Variants in GRIN2B observed in about 807,000 individuals in gnomAD.
The protein encoded by GRIN2B is glutamate receptor ionotropic, NMDA 2B.
Under a neutral mutation model 114.5 loss-of-function variants are expected in GRIN2B, and 5 were observed. The ratio of observed to expected loss-of-function variants is 0.04; its 90% confidence interval spans 0.02 to 0.09. The LOEUF is 0.09. Among genes scored for constraint, GRIN2B ranks in the 10% least tolerant of loss-of-function variants. The pLI, the probability that GRIN2B is intolerant of heterozygous loss-of-function variation, is 1.00. For missense variants in GRIN2B, 1,108 were observed against 1,943.5 expected, an observed-to-expected ratio of 0.57 and a Z score of 8.08; for synonymous variants, 787 against 745.1, an observed-to-expected ratio of 1.06 and a Z score of -0.92.
At chr12:13,612,256 T>C (rs1805528) in intron 8 of GRIN2B, among the ~76,000 whole-genome samples, 11,179 of 152,356 alleles carry the variant, frequency 0.073, 594 homozygotes, top group South Asian at 0.14. Flanking sequence ...CCTTCTCCAA[T>C]GCTTCTGAAC....
chr12:13,810,310 G>A (rs919595599), intron 3 of GRIN2B, among the ~76,000 whole-genome samples: 17 of 151,790 alleles, frequency 1.1e-4, no homozygotes, highest in Admixed American at 5.9e-4. Context: ...CTGACTCCCA[G>A]GTTCAAGCGA....
chr12:13,883,730 A>G (rs1460758761), intron 2 of GRIN2B, among the ~76,000 whole-genome samples: 1 of 151,994 alleles, frequency 6.6e-6, no homozygotes, highest in Non-Finnish European at 1.5e-5. Context: ...ATTTTCTCCC[A>G]TTTTGTGGCT....
intron 5 of GRIN2B, among the ~76,000 whole-genome samples, chr12:13,661,861 C>A (rs1949926896): frequency 6.6e-6 from 1 of 152,166 alleles, no homozygotes; most frequent in East Asian, 1.9e-4. Context: ...CCAATTTAAT[C>A]TTTAAATATA....
At chr12:13,683,555 A>C (rs1411863535) in intron 4 of GRIN2B, 1 of 154,342 alleles carries the variant, frequency 6.5e-6, no homozygotes, top group East Asian at 1.9e-4. Context: ...TGTGAGGGTG[A>C]TCTGGCTGCG....
rs1315634225 is a variant in GRIN2B at position 13,539,019 on chromosome 12, G to A, written c.*23764C>T. 1.3e-5 allele frequency: 2 copies of A among 152,118 alleles called. No homozygotes were observed. The highest frequency in any genetic ancestry group is 2.4e-5 in the African/African-American group (1 of 41,412). 9.4% of individuals were successfully genotyped at this position (152,118 alleles called of 1,614,324 possible). On this transcript the variant is annotated 3_prime_UTR_variant, in exon 14 of 14. Transcript: ENST00000609686. The stretch of plus-strand genomic sequence containing the variant: ...GGGGTTTAAGGAAGTATCTCCAGAA[G>A]TAAAGAGAATCACTATATCTGGGAA...
intron 3 of GRIN2B, among the ~76,000 whole-genome samples, chr12:13,865,224 C>T (rs149906259): frequency 6.6e-6 from 1 of 152,194 alleles, no homozygotes; most frequent in Non-Finnish European, 1.5e-5. Context: ...GAGCTACAAG[C>T]GTCAACATCC....
intron 3 of GRIN2B, among the ~76,000 whole-genome samples, chr12:13,836,693 T>A (rs1865272817): frequency 7.0e-6 from 1 of 142,614 alleles, no homozygotes. Context: ...TCTGGCCTGT[T>A]TGCCTGCTCT....
In GRIN2B at chr12:13,708,187, C is replaced by T. The variant is rs568029992; in HGVS notation, c.1011-32328G>A. On this transcript the variant is annotated intron_variant, in intron 4 of 13. Coordinates refer to ENST00000609686, the MANE Select transcript of GRIN2B (RefSeq NM_000834.5). ...AGAAGTAGTTTTGGAAATGAGCTGGCAATTATAAGATTCTCTTTGAGGCTG... is the reference window on the plus strand; with the variant it reads ...AGAAGTAGTTTTGGAAATGAGCTGGTAATTATAAGATTCTCTTTGAGGCTG... 2.0e-5 allele frequency among the ~76,000 whole-genome samples: 3 copies of T among 152,188 alleles called. No homozygotes were observed. The East Asian group carries it at 5.8e-4, about 30-fold the overall frequency.
At chr12:13,792,328 T>C (rs1314999677) in intron 3 of GRIN2B, among the ~76,000 whole-genome samples, 1 of 152,184 alleles carries the variant, frequency 6.6e-6, no homozygotes. Context: ...ACAAGCTCAA[T>C]CAATTAACAG....
intron 5 of GRIN2B, among the ~76,000 whole-genome samples, chr12:13,620,247 C>T (rs905812236): frequency 9.9e-5 from 15 of 152,168 alleles, no homozygotes; most frequent in African/African-American, 3.6e-4. Context: ...GCTTATTTTT[C>T]ACACCTGTAA....
At chr12:13,949,456 C>T (rs546646511) in intron 2 of GRIN2B, among the ~76,000 whole-genome samples, 8 of 152,178 alleles carry the variant, frequency 5.3e-5, no homozygotes, top group African/African-American at 1.9e-4. Flanking sequence ...TCTGAACACT[C>T]AACCAGAGGG....
chr12:13,647,448 C>G (rs116735105), intron 5 of GRIN2B, among the ~76,000 whole-genome samples: 1 of 152,052 alleles, frequency 6.6e-6, no homozygotes, highest in Admixed American at 6.6e-5. Flanking sequence ...TTCCACAATT[C>G]TCTTCTCATT....
intron 5 of GRIN2B, among the ~76,000 whole-genome samples, chr12:13,630,205 T>C (rs977973344): frequency 6.6e-6 from 1 of 152,246 alleles, no homozygotes; most frequent in Non-Finnish European, 1.5e-5. Flanking sequence ...TAATAATAGA[T>C]AATGATGATT....
At chr12:13,633,748 G>A (rs1193520186) in intron 5 of GRIN2B, among the ~76,000 whole-genome samples, 7 of 152,102 alleles carry the variant, frequency 4.6e-5, no homozygotes, top group Admixed American at 2.6e-4. Context: ...TTAATAAGAA[G>A]ATGCATATAA....
intron 3 of GRIN2B, among the ~76,000 whole-genome samples, chr12:13,836,019 T>G (rs1212501681): frequency 1.3e-5 from 2 of 152,192 alleles, no homozygotes; most frequent in Admixed American, 1.3e-4. Flanking sequence ...CAGCCATTCT[T>G]CAAGAGAAAT....
intron 2 of GRIN2B, among the ~76,000 whole-genome samples, chr12:13,939,741 G>A (rs993581411): frequency 1.3e-5 from 2 of 151,620 alleles, no homozygotes; most frequent in Admixed American, 6.6e-5. Context: ...GTAGAGGTGG[G>A]GTTTCACCAT....
rs1375524034 is a variant in GRIN2B at position 13,692,767 on chromosome 12, T to C, written c.1011-16908A>G. On this transcript the variant is annotated intron_variant, in intron 4 of 13. Transcript: ENST00000609686. ...TTCATTAATCTTTCTTTTCTTTTTT[T>C]TTTTTTTTTTTTTTTTTTGAGGCAG... Among the ~76,000 whole-genome samples the C allele has an allele frequency of 2.3e-4, 27 of 118,342 alleles. 1 individual carries two copies. Among genetic ancestry groups the C allele is most frequent in the Admixed American group, 8.5e-4 (10 of 11,826 alleles). The allele number at this position is 118,342 out of a possible 152,430, so 77.6% of individuals were successfully genotyped here.
chr12:13,735,990 A>C (rs1219429208), intron 4 of GRIN2B, among the ~76,000 whole-genome samples: 6 of 151,998 alleles, frequency 3.9e-5, no homozygotes, highest in African/African-American at 1.4e-4. Flanking sequence ...CACGGGATTC[A>C]GAAGATTTCC....
chr12:13,824,451 T>C (rs553454298), intron 3 of GRIN2B, among the ~76,000 whole-genome samples: 6 of 152,352 alleles, frequency 3.9e-5, no homozygotes, highest in African/African-American at 1.4e-4. Context: ...TTAATTTTGA[T>C]ACGCTCTATA....
Sources: allele counts gnomAD v4.1 joint callset (sites outside exome capture counted in the v4.1 genomes callset), GRCh38; gene constraint gnomAD v4.1.1; transcripts MANE v1.5; gene names NCBI Gene and HGNC (gene_info 2026-07-23, HGNC 2026-07-21).